The following NFE2L3 variants were observed in gnomAD, a reference collection of about 807,000 sequenced individuals.
NFE2L3 encodes nuclear factor erythroid 2-related factor 3.
A neutral mutation model predicts 23.5 loss-of-function variants in NFE2L3; 18 were observed. The observed-to-expected ratio is 0.77, with a 90% CI of 0.53 to 1.13. The LOEUF is 1.13. Ranked by LOEUF, NFE2L3 falls within the 50% of genes most tolerant of loss-of-function variation. NFE2L3 has a pLI of 0.00. For missense variants in NFE2L3, 1,152 were observed against 877.2 expected (o/e 1.31, Z -3.96); for synonymous variants, 424 against 354.5 (o/e 1.20, Z -2.20).
chr7:26,185,718 A>G lies in NFE2L3; in HGVS notation c.2020A>G (p.Ile674Val), dbSNP rs139077794. Residue 674 changes from isoleucine to valine, a missense_variant, in exon 4 of 4, where the codon ATA becomes GTA. Transcript: ENST00000056233. ...LQCTHDGSILIVPKELVASGH... is the reference protein window; with the variant it reads ...LQCTHDGSILVVPKELVASGH... The stretch of plus-strand genomic sequence containing the variant: ...GTGTACCCATGATGGAAGTATCTTG[A>G]TAGTACCCAAAGAACTGGTGGCCTC... 2.0e-5 allele frequency: 33 copies of G among 1,612,340 alleles called. No homozygotes were observed. The African/African-American group carries it at 3.6e-4, about 18-fold the overall frequency.
intron 1 of NFE2L3, among the ~76,000 whole-genome samples, chr7:26,176,016 A>G (rs1214458314): frequency 6.6e-6 from 1 of 151,772 alleles, no homozygotes; most frequent in Non-Finnish European, 1.5e-5. Flanking sequence ...GGCCTTCCGC[A>G]GTGTTTGTGT....
chr7:26,183,208 T>G (rs1010052619), intron 2 of NFE2L3, among the ~76,000 whole-genome samples: 1 of 152,186 alleles, frequency 6.6e-6, no homozygotes, highest in Non-Finnish European at 1.5e-5. Context: ...AAATACTGAT[T>G]AGCTTTGGAC....
chr7:26,177,259 G>A (rs1437888894), intron 1 of NFE2L3, among the ~76,000 whole-genome samples: 3 of 152,234 alleles, frequency 2.0e-5, no homozygotes, highest in Non-Finnish European at 1.5e-5. Flanking sequence ...GCTGGGAGGT[G>A]GAGGTTGTAG....
rs767429390 is a variant in NFE2L3 at position 26,184,823 on chromosome 7, A to C, written c.1125A>C (p.Leu375=). ...CGGTTGACAATCATATGAGGAATCTAACAAGCCAAGACCTACTGTATGACC... is the reference window on the plus strand; with the variant it reads ...CGGTTGACAATCATATGAGGAATCTCACAAGCCAAGACCTACTGTATGACC... ...LSPVDNHMRN[L]TSQDLLYDLD... Residue 375 remains leucine (L), a synonymous_variant, in exon 4 of 4, where the codon CTA becomes CTC. Transcript: ENST00000056233. 6.2e-7 allele frequency: 1 copy of C among 1,613,944 alleles called. No homozygotes were observed. Among genetic ancestry groups the C allele is most frequent in the Admixed American group, 1.7e-5 (1 of 60,026 alleles).
rs143155770 is a variant in NFE2L3, at chr7:26,185,209, C to A, written c.1511C>A (p.Pro504Gln). Reference sequence around the variant, plus strand: ...CATAACCACACTTACCACTTACAGCCAACTGCACCAGAATCTACTTCTGAA... The same window carrying A: ...CATAACCACACTTACCACTTACAGCAAACTGCACCAGAATCTACTTCTGAA... Reference protein sequence around the residue: ...VFHNHTYHLQPTAPESTSEPF... With the variant: ...VFHNHTYHLQQTAPESTSEPF... The change falls in exon 4 of 4, where the codon CCA (proline) becomes CAA (glutamine). Residue 504 changes from proline to glutamine, a missense_variant. Pro to Gln is a moderately conservative substitution (Grantham distance 76). Transcript: ENST00000056233. 173 of 1,613,804 alleles carry A rather than the reference C, an allele frequency of 1.1e-4. No individual in the cohort carries two copies. Among genetic ancestry groups the A allele is most frequent in the Non-Finnish European group, 1.4e-4 (168 of 1,179,910 alleles).
Position 26,186,008 on chromosome 7 carries a change from T to A in NFE2L3, c.*225T>A. ...CCACAACTTTTCATGAAGTGCATTGTATACAAAATTCATAGTTATGTCCAA... is the reference window on the plus strand; with the variant it reads ...CCACAACTTTTCATGAAGTGCATTGAATACAAAATTCATAGTTATGTCCAA... On this transcript the variant is annotated 3_prime_UTR_variant, in exon 4 of 4. Coordinates refer to ENST00000056233, the MANE Select transcript of NFE2L3 (RefSeq NM_004289.7). 1 of 407,620 alleles carries A rather than the reference T, an allele frequency of 2.5e-6. No individual in the cohort carries two copies. The highest frequency in any genetic ancestry group is 4.4e-6 in the Non-Finnish European group (1 of 229,382). The allele number at this position is 407,620 out of a possible 1,614,324, so 25.3% of individuals were successfully genotyped here. A position where few individuals can be genotyped will look rare whatever the true frequency, so the allele number is the denominator to read the frequency against.
chr7:26,182,844 AGT>A (rs932172985), intron 2 of NFE2L3, among the ~76,000 whole-genome samples: 92 of 152,300 alleles, frequency 6.0e-4, no homozygotes, highest in Admixed American at 3.1e-3. Context: ...GTTAGGCTGG[AGT>A]GTGGCAGCGC....
rs1782448948 is a variant in NFE2L3, at chr7:26,185,168, A to G, written c.1470A>G (p.Thr490=). Residue 490 remains threonine (T), a synonymous_variant, in exon 4 of 4, where the codon ACA becomes ACG. Transcript: ENST00000056233. Reference sequence around the variant, plus strand: ...ATTCTGATTTCCATGGAGATCTTACATTTCAACACGTATTTCATAACCACA... The same window carrying G: ...ATTCTGATTTCCATGGAGATCTTACGTTTCAACACGTATTTCATAACCACA... The part of the protein sequence containing the change: ...QSDSDFHGDL[T]FQHVFHNHTY... The G allele has an allele frequency of 2.5e-6, 4 of 1,613,722 alleles. No homozygotes were observed. The highest frequency in any genetic ancestry group is 2.7e-5 in the African/African-American group (2 of 74,890).
Position 26,185,514 on chromosome 7 carries a change from T to C in NFE2L3, c.1816T>C (p.Leu606=), listed in dbSNP as rs777675547. The C allele has an allele frequency of 3.1e-6, 5 of 1,613,810 alleles. No homozygotes were observed. The highest frequency in any genetic ancestry group is 4.5e-5 in the East Asian group (2 of 44,890). The change falls in exon 4 of 4, where the codon TTA becomes CTA. Residue 606 remains leucine, a synonymous_variant. Transcript: ENST00000056233. The part of the protein sequence containing the change: ...RKRKLDIILN[L]EDDVCNLQAK... ...ACGCAAATTGGACATAATTTTGAAT[T>C]TAGAAGATGATGTATGTAACTTGCA...
Position 26,185,254 on chromosome 7 carries a change from A to C in NFE2L3, c.1556A>C (p.Lys519Thr), listed in dbSNP as rs1413967733. 6.2e-7 allele frequency: 1 copy of C among 1,614,100 alleles called. No homozygotes were observed. Among genetic ancestry groups the C allele is most frequent in the African/African-American group, 1.3e-5 (1 of 75,066 alleles). ...STSEPFPWPG[K>T]SQKIRSRYLE... ...TCTGAACCTTTTCCGTGGCCTGGGA[A>C]GTCACAGAAGATAAGGAGTAGATAC... Residue 519 changes from lysine to threonine, a missense_variant, in exon 4 of 4, where the codon AAG becomes ACG. Coordinates refer to ENST00000056233, the MANE Select transcript of NFE2L3 (RefSeq NM_004289.7).
chr7:26,154,409 ACT>A lies in NFE2L3; in HGVS notation c.570+1344_570+1345del, dbSNP rs1784050647. ...AGTGCTGGATGCTGTACCAGATGGC[ACT>A]CTGCCACCCACACCCGAATGCCAAC... On this transcript the variant is annotated intron_variant, in intron 1 of 3. Transcript: ENST00000056233. 3.9e-5 allele frequency among the ~76,000 whole-genome samples: 6 copies of A among 152,070 alleles called. No homozygotes were observed. In the South Asian group the frequency reaches 1.2e-3, roughly 32 times the overall value.
intron 1 of NFE2L3, among the ~76,000 whole-genome samples, chr7:26,161,333 CTCTTTT>C (rs1247227666): frequency 8.5e-6 from 1 of 117,690 alleles, no homozygotes; most frequent in Non-Finnish European, 1.7e-5. Context: ...TAGCTTCTCT[CTCTTTT>C]TTTTTTTTTT....
At chr7:26,156,133 C>G (rs2128097118) in intron 1 of NFE2L3, among the ~76,000 whole-genome samples, 1 of 152,322 alleles carries the variant, frequency 6.6e-6, no homozygotes, top group African/African-American at 2.4e-5. Context: ...GTTGCTTATC[C>G]TTTCTGTGCT....
At position 26,185,220 on chromosome 7, in the gene NFE2L3, G is replaced by C. The variant is rs1325439859; in HGVS notation, c.1522G>C (p.Glu508Gln). 3 of 1,613,902 alleles carry C rather than the reference G, an allele frequency of 1.9e-6. No individual in the cohort carries two copies. The highest frequency in any genetic ancestry group is 1.7e-5 in the Admixed American group (1 of 60,018). ...HTYHLQPTAP[E>Q]STSEPFPWPG... ...TTACCACTTACAGCCAACTGCACCAGAATCTACTTCTGAACCTTTTCCGTG... is the reference window on the plus strand; with the variant it reads ...TTACCACTTACAGCCAACTGCACCACAATCTACTTCTGAACCTTTTCCGTG... Residue 508 changes from glutamate to glutamine, a missense_variant, in exon 4 of 4, where the codon GAA (glutamate) becomes CAA (glutamine). Coordinates refer to ENST00000056233, the MANE Select transcript of NFE2L3 (RefSeq NM_004289.7).
chr7:26,164,731 C>T (rs1214803839), intron 1 of NFE2L3, among the ~76,000 whole-genome samples: 1 of 152,184 alleles, frequency 6.6e-6, no homozygotes, highest in Non-Finnish European at 1.5e-5. Context: ...AGTCCTTGCC[C>T]ATGCTATATG....
intron 1 of NFE2L3, among the ~76,000 whole-genome samples, chr7:26,161,689 C>T (rs1030026705): frequency 3.3e-5 from 5 of 152,056 alleles, no homozygotes; most frequent in African/African-American, 1.2e-4. Context: ...TTACCAGGTA[C>T]TTAAAAGTCA....
intron 1 of NFE2L3, among the ~76,000 whole-genome samples, chr7:26,163,117 A>G (rs1784197552): frequency 6.6e-6 from 1 of 152,090 alleles, no homozygotes; most frequent in Non-Finnish European, 1.5e-5. Context: ...GTCATGTTTC[A>G]TCTTTAACTC....
chr7:26,158,619 C>A (rs1428522095), intron 1 of NFE2L3, among the ~76,000 whole-genome samples: 1 of 152,226 alleles, frequency 6.6e-6, no homozygotes, highest in Non-Finnish European at 1.5e-5. Context: ...TTTTTCCAGT[C>A]AGTATTTCCC....
At chr7:26,173,327 C>G (rs943714541) in intron 1 of NFE2L3, among the ~76,000 whole-genome samples, 3 of 152,310 alleles carry the variant, frequency 2.0e-5, no homozygotes, top group Admixed American at 2.0e-4. Context: ...TGATCTGTAT[C>G]AACCACTTGT....
Sources: gnomAD v4.1 joint callset for allele counts (sites outside exome capture counted in the v4.1 genomes callset) on GRCh38, gnomAD v4.1.1 for gene constraint, MANE v1.5 for transcripts, NCBI Gene and HGNC (gene_info 2026-07-23, HGNC 2026-07-21) for gene names.